Variants in EBF1 observed in about 807,000 individuals in gnomAD.
EBF1 encodes EBF transcription factor 1, also known as transcription factor COE1.
A neutral mutation model predicts 68.4 loss-of-function variants in EBF1; 10 were observed. The ratio of observed to expected loss-of-function variants is 0.15; its 90% CI spans 0.09 to 0.25. The LOEUF is 0.25. Among genes scored for constraint, EBF1 ranks in the 10% least tolerant of loss-of-function variants. EBF1 has a pLI of 1.00. For missense variants in EBF1, 509 were observed against 794.4 expected (o/e 0.64, Z 4.32); for synonymous variants, 298 against 299.8 (o/e 0.99, Z 0.06).
At chr5:158,889,305 G>A (rs1177342871) in intron 6 of EBF1, among the ~76,000 whole-genome samples, 1 of 152,172 alleles carries the variant, frequency 6.6e-6, no homozygotes, top group Non-Finnish European at 1.5e-5. Flanking sequence ...GATATGGCAA[G>A]AAGGACCCTG....
At chr5:158,757,296 C>T (rs1770340377) in intron 10 of EBF1, among the ~76,000 whole-genome samples, 2 of 152,254 alleles carry the variant, frequency 1.3e-5, no homozygotes, top group South Asian at 4.2e-4. Context: ...TGTAGGCTTA[C>T]CCCTGCACTC....
chr5:158,829,433 T>A (rs559630506), intron 7 of EBF1, among the ~76,000 whole-genome samples: 1 of 151,478 alleles, frequency 6.6e-6, no homozygotes, highest in Non-Finnish European at 1.5e-5. Context: ...GATCTACCCA[T>A]GTCAGTCTCC....
intron 6 of EBF1, among the ~76,000 whole-genome samples, chr5:158,929,499 T>C (rs1016476759): frequency 6.6e-6 from 1 of 152,226 alleles, no homozygotes; most frequent in Non-Finnish European, 1.5e-5. Flanking sequence ...TTAAAAAGTC[T>C]GCTAGGACCC....
At chr5:158,795,551 T>G (rs1779463390) in intron 9 of EBF1, among the ~76,000 whole-genome samples, 1 of 152,178 alleles carries the variant, frequency 6.6e-6, no homozygotes, top group Non-Finnish European at 1.5e-5. Context: ...TATTCTAAAC[T>G]TTAGTGAAGT....
chr5:159,071,909 A>G (rs1429661577), intron 6 of EBF1, among the ~76,000 whole-genome samples: 1 of 152,174 alleles, frequency 6.6e-6, no homozygotes, highest in Admixed American at 6.5e-5. Context: ...GAGGAAGAAA[A>G]ATGCTTAAAA....
intron 6 of EBF1, among the ~76,000 whole-genome samples, chr5:158,861,963 CT>C (rs368070588): frequency 6.6e-6 from 1 of 152,052 alleles, no homozygotes; most frequent in Non-Finnish European, 1.5e-5. Flanking sequence ...ACACTATATC[CT>C]TTTTTATGTT....
intron 6 of EBF1, among the ~76,000 whole-genome samples, chr5:158,850,756 C>T (rs1298401345): frequency 6.6e-6 from 1 of 152,184 alleles, no homozygotes; most frequent in Non-Finnish European, 1.5e-5. Context: ...CCTGTAATCT[C>T]AGCACTTTGG....
rs1435071482 is a variant in EBF1 at position 158,697,377 on chromosome 5, T to C, written c.*1734A>G. ...AAATTAAAAAAACTGAAGCATGGTT[T>C]ATAACAATACTAAAAATAACTATAA... On this transcript the variant is annotated 3_prime_UTR_variant, in exon 16 of 16. Transcript: ENST00000313708. 5.0e-6 allele frequency: 1 copy of C among 200,796 alleles called. No homozygotes were observed. The highest frequency in any genetic ancestry group is 7.7e-5 in the East Asian group (1 of 12,934). 12.4% of individuals were successfully genotyped at this position (200,796 alleles called of 1,614,324 possible).
intron 6 of EBF1, among the ~76,000 whole-genome samples, chr5:158,914,640 CA>C (rs2127380088): frequency 6.6e-6 from 1 of 152,182 alleles, no homozygotes; most frequent in African/African-American, 2.4e-5. Flanking sequence ...CCAGGTTTAT[CA>C]AAAAAGTTTC....
At chr5:159,029,799 C>G (rs1768392845) in intron 6 of EBF1, among the ~76,000 whole-genome samples, 1 of 151,800 alleles carries the variant, frequency 6.6e-6, no homozygotes, top group South Asian at 2.1e-4. Flanking sequence ...ACTAAAAATA[C>G]AAAAATTAGC....
intron 5 of EBF1, among the ~76,000 whole-genome samples, chr5:159,079,397 ACT>A (rs1363560592): frequency 2.6e-5 from 4 of 152,066 alleles, no homozygotes; most frequent in African/African-American, 9.7e-5. Context: ...TAGTTTCTTC[ACT>A]GCCGACATCC....
chr5:158,730,984 T>C, intron 11 of EBF1, 85 bp downstream of exon 11: 1 of 1,268,862 alleles, frequency 7.9e-7, no homozygotes, highest in Non-Finnish European at 1.1e-6. Flanking sequence ...TGTTTACCTG[T>C]GAACTAATTT....
chr5:159,064,969 G>T (rs1442262548), intron 6 of EBF1, among the ~76,000 whole-genome samples: 3 of 134,898 alleles, frequency 2.2e-5, no homozygotes, highest in Non-Finnish European at 1.5e-5. Context: ...GTATGTGTGT[G>T]GTGTGTGTAG....
chr5:159,064,560 G>A (rs1776428372), intron 6 of EBF1, among the ~76,000 whole-genome samples: 1 of 152,140 alleles, frequency 6.6e-6, no homozygotes, highest in Non-Finnish European at 1.5e-5. Context: ...CCATTTAGGT[G>A]TAAGCTACTA....
At chr5:158,947,679 A>G (rs1407064730) in intron 6 of EBF1, among the ~76,000 whole-genome samples, 1 of 152,250 alleles carries the variant, frequency 6.6e-6, no homozygotes, top group Non-Finnish European at 1.5e-5. Flanking sequence ...TCTCTAATCT[A>G]TGCCATGACA....
chr5:159,080,337 T>C (rs1779527764), intron 5 of EBF1, among the ~76,000 whole-genome samples: 1 of 152,202 alleles, frequency 6.6e-6, no homozygotes, highest in African/African-American at 2.4e-5. Context: ...CAACCCTTTC[T>C]AGAGTGCAGT....
intron 6 of EBF1, among the ~76,000 whole-genome samples, chr5:158,918,271 T>A (rs1345017711): frequency 6.6e-6 from 1 of 152,226 alleles, no homozygotes; most frequent in East Asian, 1.9e-4. Context: ...TCCATCAGCA[T>A]CATCTAGCTT....
intron 6 of EBF1, among the ~76,000 whole-genome samples, chr5:159,029,834 G>T (rs1485634518): frequency 1.3e-5 from 2 of 151,782 alleles, no homozygotes; most frequent in African/African-American, 4.8e-5. Flanking sequence ...TGTGCCTGTA[G>T]TCCCAGCTAC....
At position 158,770,382 on chromosome 5, in the gene EBF1, A is replaced by T. The variant is rs185255712; in HGVS notation, c.1036+7031T>A. On this transcript the variant is annotated intron_variant, in intron 10 of 15. Coordinates refer to ENST00000313708, the MANE Select transcript of EBF1 (RefSeq NM_024007.5). ...ATGACCTCCTAAGAGGCCTTCCAAG[A>T]TACATTCTGGTCTCCTATGCTTCTT... 7.2e-5 allele frequency among the ~76,000 whole-genome samples: 11 copies of T among 152,222 alleles called. No individual in the cohort carries two copies. The East Asian group carries it at 2.1e-3, about 30-fold the overall frequency.
Sources: allele counts gnomAD v4.1 joint callset (sites outside exome capture counted in the v4.1 genomes callset), GRCh38; gene constraint gnomAD v4.1.1; transcripts MANE v1.5; gene names NCBI Gene and HGNC (gene_info 2026-07-23, HGNC 2026-07-21).